Variants in ROBO2 observed in about 807,000 individuals in gnomAD.
The protein encoded by ROBO2 is roundabout guidance receptor 2, also known as roundabout homolog 2.
ROBO2 carries 53 observed loss-of-function variants against 160.8 expected under a neutral mutation model. That is an observed-to-expected ratio of 0.33 (90% CI 0.26 to 0.41). The LOEUF is 0.41. Ranked by LOEUF, ROBO2 falls within the 10% of genes least tolerant of loss-of-function variation. The probability of loss-of-function intolerance (pLI) is 1.00; values close to 1 mark genes in which losing one functional copy is unlikely to be tolerated. For missense variants in ROBO2, 1,577 were observed against 1,722.4 expected (o/e 0.92, Z 1.49); for synonymous variants, 664 against 611.7 (o/e 1.09, Z -1.26).
intron 2 of ROBO2, among the ~76,000 whole-genome samples, chr3:76,362,429 T>C (rs1052959009): frequency 1.3e-5 from 2 of 152,084 alleles, no homozygotes; most frequent in African/African-American, 2.4e-5. Flanking sequence ...ATGATGGTAA[T>C]TGGTTGCTTA....
At chr3:76,634,594 A>T (rs1384302457) in intron 2 of ROBO2, among the ~76,000 whole-genome samples, 2 of 150,658 alleles carry the variant, frequency 1.3e-5, no homozygotes, top group East Asian at 1.9e-4. Flanking sequence ...AAAGGACATC[A>T]GTCAGATTGA....
intron 2 of ROBO2, among the ~76,000 whole-genome samples, chr3:77,100,367 A>G (rs1337451820): frequency 6.6e-6 from 1 of 152,102 alleles, no homozygotes; most frequent in African/African-American, 2.4e-5. Flanking sequence ...ATATTCATTT[A>G]TATGTTGCTC....
rs950269502 is a variant in ROBO2 at position 76,802,311 on chromosome 3, T to C, written c.110-295703T>C. On this transcript the variant is annotated intron_variant, in intron 2 of 26. Transcript: ENST00000487694. ...GAGATTTTTCCCGTGTTATAGGAAATGATTATTCTGAATAAATGGTACATT... is the reference window on the plus strand; with the variant it reads ...GAGATTTTTCCCGTGTTATAGGAAACGATTATTCTGAATAAATGGTACATT... Among the ~76,000 whole-genome samples, 9 of 152,334 alleles carry C rather than the reference T, an allele frequency of 5.9e-5. No homozygotes were observed. The South Asian group carries it at 1.9e-3, about 32-fold the overall frequency.
At chr3:76,285,209 C>T (rs1708448821) in intron 2 of ROBO2, among the ~76,000 whole-genome samples, 1 of 152,070 alleles carries the variant, frequency 6.6e-6, no homozygotes, top group African/African-American at 2.4e-5. Flanking sequence ...AAATGCTAGA[C>T]AGATGTAATA....
At chr3:76,612,150 G>A (rs1273823912) in intron 2 of ROBO2, among the ~76,000 whole-genome samples, 1 of 152,134 alleles carries the variant, frequency 6.6e-6, no homozygotes, top group Non-Finnish European at 1.5e-5. Flanking sequence ...TTTGAATTTT[G>A]TAAGACATGT....
intron 2 of ROBO2, among the ~76,000 whole-genome samples, chr3:76,380,942 T>C (rs1000635434): frequency 1.3e-5 from 2 of 151,708 alleles, no homozygotes; most frequent in African/African-American, 4.9e-5. Flanking sequence ...GATATTCTCC[T>C]GCAGGTCAGA....
At chr3:76,294,688 A>T (rs917198446) in intron 2 of ROBO2, among the ~76,000 whole-genome samples, 5 of 152,220 alleles carry the variant, frequency 3.3e-5, no homozygotes, top group African/African-American at 1.2e-4. Flanking sequence ...AAAATGGTGT[A>T]TTATGACAAG....
intron 6 of ROBO2, among the ~76,000 whole-genome samples, chr3:77,534,954 C>T (rs142000885): frequency 0.022 from 3,393 of 152,202 alleles, 58 homozygotes; most frequent in Admixed American, 0.059. Flanking sequence ...AATGTTTATG[C>T]AAGCAGCTTT....
chr3:76,509,993 T>C (rs1370222778), intron 2 of ROBO2, among the ~76,000 whole-genome samples: 2 of 151,998 alleles, frequency 1.3e-5, no homozygotes, highest in Admixed American at 6.6e-5. Context: ...CCCAGGCCCA[T>C]TCAGGTGCAA....
chr3:76,781,063 A>G (rs2062612304), intron 2 of ROBO2, among the ~76,000 whole-genome samples: 1 of 150,712 alleles, frequency 6.6e-6, no homozygotes, highest in Non-Finnish European at 1.5e-5. Flanking sequence ...ATATTTTTCT[A>G]TTTATTTGTG....
At chr3:76,885,004 C>T (rs1332085374) in intron 2 of ROBO2, among the ~76,000 whole-genome samples, 1 of 151,870 alleles carries the variant, frequency 6.6e-6, no homozygotes, top group Non-Finnish European at 1.5e-5. Context: ...TGATTCAACT[C>T]GATTAAATAA....
intron 2 of ROBO2, among the ~76,000 whole-genome samples, chr3:77,342,179 A>G (rs1220127496): frequency 6.6e-6 from 1 of 152,158 alleles, no homozygotes; most frequent in South Asian, 2.1e-4. Flanking sequence ...ACATTACTGC[A>G]CCTCAGATAG....
intron 2 of ROBO2, among the ~76,000 whole-genome samples, chr3:76,263,347 CT>C (rs1351400612): frequency 6.6e-6 from 1 of 152,016 alleles, no homozygotes; most frequent in East Asian, 1.9e-4. Flanking sequence ...GCACCTTTGC[CT>C]CGCAAATAGC....
intron 2 of ROBO2, among the ~76,000 whole-genome samples, chr3:77,102,592 A>T (rs1159387249): frequency 6.6e-6 from 1 of 152,184 alleles, no homozygotes; most frequent in African/African-American, 2.4e-5. Context: ...TATTCACATT[A>T]GTTGTCATTT....
At chr3:76,107,695 A>G (rs13075674) in intron 2 of ROBO2, among the ~76,000 whole-genome samples, 11 of 152,254 alleles carry the variant, frequency 7.2e-5, no homozygotes, top group African/African-American at 2.6e-4. Context: ...TTACACAATT[A>G]TACTCAAAAT....
chr3:75,987,783 C>A (rs1035590799), intron 2 of ROBO2, among the ~76,000 whole-genome samples: 9 of 151,920 alleles, frequency 5.9e-5, no homozygotes, highest in African/African-American at 2.2e-4. Flanking sequence ...TTACCAAATG[C>A]ATAATTGAGA....
At chr3:77,564,870 C>A (rs1447137401) in intron 11 of ROBO2, 84 bp from the exon 13 acceptor site, 43 of 1,156,410 alleles carry the variant, frequency 3.7e-5, no homozygotes, top group Non-Finnish European at 5.3e-5. Context: ...AATTTCCAGC[C>A]ATTAACCTTT....
rs146123800 is a variant in ROBO2 at position 76,470,650 on chromosome 3, A to G, written c.109+533048A>G. ...TATTGACAATGCAGCCTTAAAAGGA[A>G]CATATTATAACTTTCACTATATTTT... On this transcript the variant is annotated intron_variant, in intron 2 of 26. Transcript: ENST00000487694. 6.8e-3 allele frequency among the ~76,000 whole-genome samples: 1,035 copies of G among 152,240 alleles called. 12 individuals carry two copies. The highest frequency in any genetic ancestry group is 0.022 in the African/African-American group (928 of 41,554).
chr3:76,188,115 C>G (rs1479764741), intron 2 of ROBO2, among the ~76,000 whole-genome samples: 1 of 151,856 alleles, frequency 6.6e-6, no homozygotes, highest in Non-Finnish European at 1.5e-5. Flanking sequence ...TGTGGCTGTT[C>G]TTTATATTGC....
Sources: gnomAD v4.1 joint callset for allele counts (sites outside exome capture counted in the v4.1 genomes callset) on GRCh38, gnomAD v4.1.1 for gene constraint, MANE v1.5 for transcripts, NCBI Gene and HGNC (gene_info 2026-07-23, HGNC 2026-07-21) for gene names.